Variants in COX7B2 observed in about 807,000 individuals in gnomAD.
COX7B2 encodes cytochrome c oxidase subunit 7B2.
For synonymous variants in COX7B2, 37 were observed against 32.1 expected, an observed-to-expected ratio of 1.15 and a Z score of -0.51; for missense variants, 109 against 95.9, an observed-to-expected ratio of 1.14 and a Z score of -0.57.
chr4:46,745,314 TTATTGCTA>T (rs1177103875), intron 2 of COX7B2, among the ~76,000 whole-genome samples: 1 of 152,178 alleles, frequency 6.6e-6, no homozygotes, highest in African/African-American at 2.4e-5. Context: ...AAGGCTCTTG[TTATTGCTA>T]TCACCTAGAT....
At chr4:46,835,396 A>T in intron 2 of COX7B2, among the ~76,000 whole-genome samples, 1 of 152,182 alleles carries the variant, frequency 6.6e-6, no homozygotes. Context: ...TCAGAAAAAA[A>T]AAATGCAGTA....
chr4:46,871,505 TAA>T (rs1441870766), intron 1 of COX7B2, among the ~76,000 whole-genome samples: 1 of 151,964 alleles, frequency 6.6e-6, no homozygotes, highest in African/African-American at 2.4e-5. Context: ...TAATTAAATT[TAA>T]AACCTTCTGC....
At chr4:46,759,974 C>A (rs1441822192) in intron 2 of COX7B2, among the ~76,000 whole-genome samples, 3 of 151,394 alleles carry the variant, frequency 2.0e-5, no homozygotes, top group Admixed American at 1.3e-4. Context: ...TACGCCTTAT[C>A]TTACACTTCC....
intron 1 of COX7B2, chr4:46,903,756 C>T (rs987083654): frequency 6.6e-6 from 1 of 152,172 alleles, no homozygotes; most frequent in African/African-American, 2.4e-5. Context: ...AAGTAACATC[C>T]TGTACAGGTC....
chr4:46,812,416 G>A (rs1719331510), intron 2 of COX7B2, among the ~76,000 whole-genome samples: 1 of 151,964 alleles, frequency 6.6e-6, no homozygotes, highest in Non-Finnish European at 1.5e-5. Context: ...CCAGAAACTT[G>A]GGCACAGCTG....
At chr4:46,897,418 C>T (rs932196174) in intron 1 of COX7B2, among the ~76,000 whole-genome samples, 1 of 152,168 alleles carries the variant, frequency 6.6e-6, no homozygotes, top group Admixed American at 6.5e-5. Flanking sequence ...CTAAGTGTGT[C>T]CCCTCTTGAG....
chr4:46,905,212 T>C lies in COX7B2; in HGVS notation c.-105+3948A>G, dbSNP rs369828041. Among the ~76,000 whole-genome samples the C allele has an allele frequency of 1.1e-4, 16 of 152,222 alleles. No individual in the cohort carries two copies. The East Asian group carries it at 2.7e-3, about 26-fold the overall frequency. On this transcript the variant is annotated intron_variant, in intron 1 of 2. Coordinates refer to ENST00000355591, the MANE Select transcript of COX7B2 (RefSeq NM_130902.3). ...TAGAACCTGTAGGCATGGGTAAATATATGAATAGAAGTAAGGTTTGTCAAA... is the reference window on the plus strand; with the variant it reads ...TAGAACCTGTAGGCATGGGTAAATACATGAATAGAAGTAAGGTTTGTCAAA...
rs1719574622 is a variant in COX7B2, at chr4:46,893,596, AT to A, written c.-105+15563del. Among the ~76,000 whole-genome samples, 3 of 152,272 alleles carry A rather than the reference AT, an allele frequency of 2.0e-5. 1 individual carries two copies. The highest frequency in any genetic ancestry group is 1.9e-4 in the East Asian group (1 of 5,176). ...TGCATCAATGAGGGAATACAAGGAA[AT>A]TTCAAAATGCTAGAGGCTTATTCAT... On this transcript the variant is annotated intron_variant, in intron 1 of 2. Coordinates refer to ENST00000355591, the MANE Select transcript of COX7B2 (RefSeq NM_130902.3).
chr4:46,901,379 C>G (rs764849966), intron 1 of COX7B2, among the ~76,000 whole-genome samples: 6 of 152,250 alleles, frequency 3.9e-5, no homozygotes, highest in South Asian at 4.2e-4. Context: ...CCACTCTGAT[C>G]GAGTTGGGGG....
At chr4:46,765,134 T>C (rs966105780) in intron 2 of COX7B2, among the ~76,000 whole-genome samples, 1 of 151,800 alleles carries the variant, frequency 6.6e-6, no homozygotes, top group Non-Finnish European at 1.5e-5. Context: ...AGAAATCAAT[T>C]TGAACAATCA....
chr4:46,855,729 A>C (rs1363806354), intron 1 of COX7B2, among the ~76,000 whole-genome samples: 1 of 152,200 alleles, frequency 6.6e-6, no homozygotes, highest in Non-Finnish European at 1.5e-5. Context: ...ATACTTTAAC[A>C]TATTAACTCA....
At chr4:46,754,731 T>TATATATATATAC (rs1553880240) in intron 2 of COX7B2, among the ~76,000 whole-genome samples, 3 of 122,578 alleles carry the variant, frequency 2.4e-5, no homozygotes, top group African/African-American at 6.2e-5. Flanking sequence ...TGTGTGTGTA[T>TATATATATATAC]ATATATATAT....
chr4:46,884,168 G>C (rs1181763802), intron 1 of COX7B2, among the ~76,000 whole-genome samples: 1 of 150,582 alleles, frequency 6.6e-6, no homozygotes, highest in Non-Finnish European at 1.5e-5. Flanking sequence ...TTATGTGTGA[G>C]GGGGCCAGTT....
intron 1 of COX7B2, among the ~76,000 whole-genome samples, chr4:46,872,633 G>A (rs1718063769): frequency 6.6e-6 from 1 of 152,016 alleles, no homozygotes; most frequent in African/African-American, 2.4e-5. Context: ...CACAAATTAT[G>A]TCAATAGAGC....
intron 2 of COX7B2, among the ~76,000 whole-genome samples, chr4:46,747,398 C>G (rs937258813): frequency 6.6e-6 from 1 of 151,968 alleles, no homozygotes; most frequent in Non-Finnish European, 1.5e-5. Context: ...CTGCCTCTCA[C>G]GTTCAAGCGA....
At chr4:46,770,868 A>AC (rs1716837954) in intron 2 of COX7B2, among the ~76,000 whole-genome samples, 2 of 152,164 alleles carry the variant, frequency 1.3e-5, no homozygotes, top group Non-Finnish European at 2.9e-5. Flanking sequence ...AAACTGTAAA[A>AC]CTACTAAAGG....
At chr4:46,896,142 T>A (rs1719741897) in intron 1 of COX7B2, among the ~76,000 whole-genome samples, 1 of 152,182 alleles carries the variant, frequency 6.6e-6, no homozygotes, top group South Asian at 2.1e-4. Flanking sequence ...TAAAAATAAT[T>A]ACTTACTGCG....
chr4:46,746,262 T>C (rs1715016586), intron 2 of COX7B2, among the ~76,000 whole-genome samples: 1 of 152,156 alleles, frequency 6.6e-6, no homozygotes, highest in Non-Finnish European at 1.5e-5. Context: ...GAATGGCAAA[T>C]AGTAAATACA....
At chr4:46,903,672 C>T (rs376306291) in intron 1 of COX7B2, among the ~76,000 whole-genome samples, 1 of 152,070 alleles carries the variant, frequency 6.6e-6, no homozygotes, top group Non-Finnish European at 1.5e-5. Flanking sequence ...TTTTACTATT[C>T]CTTTGCTATG....
Sources: allele counts gnomAD v4.1 joint callset (sites outside exome capture counted in the v4.1 genomes callset), GRCh38; gene constraint gnomAD v4.1.1; transcripts MANE v1.5; gene names NCBI Gene and HGNC (gene_info 2026-07-23, HGNC 2026-07-21).